SIRPA: variants seen among roughly 807,000 people sequenced by gnomAD.
SIRPA encodes signal regulatory protein alpha.
SIRPA carries 9 observed loss-of-function variants against 50.3 expected under a neutral mutation model. The observed-to-expected ratio is 0.18, with a 90% CI of 0.11 to 0.31. The LOEUF is 0.31. SIRPA is among the 10% of genes least tolerant of loss of function. SIRPA has a pLI of 1.00. For synonymous variants in SIRPA, 265 were observed against 284.1 expected (o/e 0.93, Z 0.68); for missense variants, 474 against 661.6 (o/e 0.72, Z 3.11).
chr20:1,915,558 C>T, intron 2 of SIRPA, 103 bp downstream of exon 2: 1 of 1,359,838 alleles, frequency 7.4e-7, no homozygotes, highest in African/African-American at 1.4e-5. Flanking sequence ...GTAGGTGCTC[C>T]TTTCCATGAA....
Position 1,937,653 on chromosome 20 carries a change from G to A in SIRPA, c.*85G>A. ...CGCCGTGATGAGCACAGCCAACCCA[G>A]TTCCCGGAGGGCTGGGGCGGTGCAG... On this transcript the variant is annotated 3_prime_UTR_variant, in exon 8 of 8. Coordinates refer to ENST00000358771, the MANE Select transcript of SIRPA (RefSeq NM_001040023.2). The surrounding 1 kb of genome is among the most constrained non-coding windows in gnomAD (Gnocchi z 8.3). 1.3e-6 allele frequency: 2 copies of A among 1,540,676 alleles called. No homozygotes were observed. The highest frequency in any genetic ancestry group is 1.8e-6 in the Non-Finnish European group (2 of 1,138,708).
chr20:1,933,541 A>G lies in SIRPA; in HGVS notation c.1227-1174A>G, dbSNP rs113635185. Among the ~76,000 whole-genome samples, 7,034 of 152,182 alleles carry G rather than the reference A, an allele frequency of 0.046. 207 individuals are homozygous for G. Among genetic ancestry groups the G allele is most frequent in the South Asian group, 0.088 (426 of 4,814 alleles). On this transcript the variant is annotated intron_variant, in intron 6 of 7. Transcript: ENST00000358771. The surrounding 1 kb of genome is among the most constrained non-coding windows in gnomAD (Gnocchi z 4.4). ...GGACTTGAACCAGCCAGCCAGTGGG[A>G]AGCTCCAGGAGGGCTGGAGGCCAGT...
At chr20:1,915,600 G>T in intron 2 of SIRPA, 145 bp downstream of exon 2, 1 of 1,030,022 alleles carries the variant, frequency 9.7e-7, no homozygotes, top group Non-Finnish European at 1.4e-6. Context: ...AATAAGGGAA[G>T]TTGAGGCCTG....
At chr20:1,895,181 T>C, upstream of SIRPA, 1 of 347,314 alleles carries the variant, frequency 2.9e-6, no homozygotes, top group South Asian at 6.8e-5. Context: ...CTGCCGCCTC[T>C]CTCTGGCCGC....
rs759203359 is a variant in SIRPA at position 1,928,407 on chromosome 20, G to A, written c.1226+508G>A. Among the ~76,000 whole-genome samples, 13 of 152,158 alleles carry A rather than the reference G, an allele frequency of 8.5e-5. No individual in the cohort carries two copies. The highest frequency in any genetic ancestry group is 3.3e-4 in the Admixed American group (5 of 15,272). The stretch of plus-strand genomic sequence containing the variant: ...CATTACATCACTGATGTACGTCACC[G>A]ATGGCACTTTAGTTTGTTGATTCAC... On this transcript the variant is annotated intron_variant, in intron 6 of 7. Coordinates refer to ENST00000358771, the MANE Select transcript of SIRPA (RefSeq NM_001040023.2). This position sits in a 1 kb window ranked among gnomAD's most constrained non-coding sequence, Gnocchi z 4.9.
Position 1,924,962 on chromosome 20 carries a change from G to A in SIRPA, c.1201+85G>A. The stretch of plus-strand genomic sequence containing the variant: ...ACGCCATTAGGTGCTTTGGGTTAAG[G>A]ACATCAGCTTCTGCCAGTAGCAAGA... On this transcript the variant is annotated intron_variant, in intron 5 of 7. Transcript: ENST00000358771. The surrounding 1 kb of genome is among the most constrained non-coding windows in gnomAD (Gnocchi z 4.5). The A allele has an allele frequency of 9.5e-7, 1 of 1,055,726 alleles. No homozygotes were observed. The highest frequency in any genetic ancestry group is 1.5e-6 in the Non-Finnish European group (1 of 688,540). The allele number at this position is 1,055,726 out of a possible 1,614,324, so 65.4% of individuals were successfully genotyped here. A position where few individuals can be genotyped will look rare whatever the true frequency, so the allele number is the denominator to read the frequency against.
At chr20:1,931,466 C>T (rs1254344787) in intron 6 of SIRPA, among the ~76,000 whole-genome samples, 1 of 152,186 alleles carries the variant, frequency 6.6e-6, no homozygotes, top group Non-Finnish European at 1.5e-5. Flanking sequence ...CCAGAGAAAC[C>T]AACCGTTTTC....
At position 1,937,361 on chromosome 20, in the gene SIRPA, G is replaced by A. The variant is rs1388528170; in HGVS notation, c.1308G>A (p.Lys436=). Residue 436 remains lysine, a synonymous_variant, in exon 8 of 8, where the codon AAG becomes AAA. Coordinates refer to ENST00000358771, the MANE Select transcript of SIRPA (RefSeq NM_001040023.2). The surrounding 1 kb of genome is among the most constrained non-coding windows in gnomAD (Gnocchi z 8.3). ...CATATGCAGACCTGAACCTGCCCAA[G>A]GGGAAGAAGCCTGCTCCCCAGGCTG... is the stretch of plus-strand genomic sequence containing the variant. ...DITYADLNLP[K]GKKPAPQAAE... The A allele has an allele frequency of 6.2e-7, 1 of 1,614,114 alleles. No individual in the cohort carries two copies. The highest frequency in any genetic ancestry group is 8.5e-7 in the Non-Finnish European group (1 of 1,180,006).
chr20:1,915,844 A>G (rs1985253032), intron 2 of SIRPA, among the ~76,000 whole-genome samples: 1 of 152,248 alleles, frequency 6.6e-6, no homozygotes, highest in African/African-American at 2.4e-5. Flanking sequence ...TCTATGTGAC[A>G]GGCACTCACT....
At position 1,933,982 on chromosome 20, in the gene SIRPA, G is replaced by A. The variant is rs1225228148; in HGVS notation, c.1227-733G>A. Among the ~76,000 whole-genome samples, 1 of 151,926 alleles carries A rather than the reference G, an allele frequency of 6.6e-6. No homozygotes were observed. Among genetic ancestry groups the A allele is most frequent in the Non-Finnish European group, 1.5e-5 (1 of 68,000 alleles). ...TAATACAGAACATTTGGAGAATATGGGAAACTAAAAAGGAGAAAAAAAATA... is the reference window on the plus strand; with the variant it reads ...TAATACAGAACATTTGGAGAATATGAGAAACTAAAAAGGAGAAAAAAAATA... On this transcript the variant is annotated intron_variant, in intron 6 of 7. Transcript: ENST00000358771. This position sits in a 1 kb window ranked among gnomAD's most constrained non-coding sequence, Gnocchi z 4.4.
At chr20:1,899,709 C>A (rs1337823411) in intron 1 of SIRPA, among the ~76,000 whole-genome samples, 1 of 152,154 alleles carries the variant, frequency 6.6e-6, no homozygotes, top group African/African-American at 2.4e-5. Flanking sequence ...AGACACACAC[C>A]CTGGCCTAGC....
intron 2 of SIRPA, among the ~76,000 whole-genome samples, chr20:1,915,656 G>A (rs1408581921): frequency 6.6e-6 from 1 of 152,232 alleles, no homozygotes; most frequent in African/African-American, 2.4e-5. Context: ...GGTAAAGGGT[G>A]GGAACATCTG....
rs1465827366 is a variant in SIRPA at position 1,928,727 on chromosome 20, ATGCTGGGCCAGAGAGGAGGCCTGTG to A, written c.1226+842_1226+866del. 2.0e-5 allele frequency among the ~76,000 whole-genome samples: 3 copies of A among 152,120 alleles called. No individual in the cohort carries two copies. The highest frequency in any genetic ancestry group is 1.3e-4 in the Admixed American group (2 of 15,276). ...CTAGTGAGCTATGTTGGACAGGAGC[ATGCTGGGCCAGAGAGGAGGCCTGTG>A]TGCTGGGCCAGAGGGAAGGAGAGGA... is the stretch of plus-strand genomic sequence containing the variant. On this transcript the variant is annotated intron_variant, in intron 6 of 7. Coordinates refer to ENST00000358771, the MANE Select transcript of SIRPA (RefSeq NM_001040023.2). The surrounding 1 kb of genome is among the most constrained non-coding windows in gnomAD (Gnocchi z 4.9).
At chr20:1,911,484 G>A (rs1001585913) in intron 1 of SIRPA, among the ~76,000 whole-genome samples, 3 of 152,128 alleles carry the variant, frequency 2.0e-5, no homozygotes, top group African/African-American at 4.8e-5. Context: ...TATGACCACC[G>A]TTTTCATGGT....
chr20:1,937,909 C>T lies in SIRPA; in HGVS notation c.*341C>T. 1 of 285,338 alleles carries T rather than the reference C, an allele frequency of 3.5e-6. No homozygotes were observed. Among genetic ancestry groups the T allele is most frequent in the East Asian group, 6.8e-5 (1 of 14,634 alleles). The allele number at this position is 285,338 out of a possible 1,614,324, so 17.7% of individuals were successfully genotyped here. A position where few individuals can be genotyped will look rare whatever the true frequency, so the allele number is the denominator to read the frequency against. ...GGGTTTTGAAGACCCTCGACTGCCT[C>T]CCCGATGCTCCGAAGCCTGATCTTC... On this transcript the variant is annotated 3_prime_UTR_variant, in exon 8 of 8. Transcript: ENST00000358771. The surrounding 1 kb of genome is among the most constrained non-coding windows in gnomAD (Gnocchi z 8.3).
In SIRPA at chr20:1,915,253, A is replaced by C; in HGVS notation, c.234A>C (p.Leu78Phe). ...GAGGAGCTGGACCAGGCCGGGAATTAATCTACAATCAAAAAGAAGGCCACT... is the reference window on the plus strand; with the variant it reads ...GAGGAGCTGGACCAGGCCGGGAATTCATCTACAATCAAAAAGAAGGCCACT... ...WFRGAGPGRE[L>F]IYNQKEGHFP... is the part of the protein sequence containing the mutation. Residue 78 changes from leucine to phenylalanine, a missense_variant, in exon 2 of 8, where the codon TTA becomes TTC. Physicochemically the swap from Leu to Phe is conservative, Grantham distance 22. Around this residue, in one of 4 missense-constraint regions of SIRPA, gnomAD observed 221 missense variants for 359.9 expected, o/e 0.61. Transcript: ENST00000358771. 2 of 1,612,784 alleles carry C rather than the reference A, an allele frequency of 1.2e-6. No homozygotes were observed. Among genetic ancestry groups the C allele is most frequent in the Non-Finnish European group, 1.7e-6 (2 of 1,179,586 alleles).
At chr20:1,906,719 G>A (rs151194304) in intron 1 of SIRPA, among the ~76,000 whole-genome samples, 15 of 152,266 alleles carry the variant, frequency 9.9e-5, no homozygotes, top group African/African-American at 3.6e-4. Context: ...GGTTTTAGAG[G>A]CTTCTCTGGC....
intron 1 of SIRPA, among the ~76,000 whole-genome samples, chr20:1,901,468 G>T (rs1364278940): frequency 6.6e-6 from 1 of 152,132 alleles, no homozygotes; most frequent in Non-Finnish European, 1.5e-5. Flanking sequence ...ACTGCACCCG[G>T]CCTCCTCTCG....
At chr20:1,915,599 A>T (rs1985231329) in intron 2 of SIRPA, 144 bp downstream of exon 2, 21 of 1,032,438 alleles carry the variant, frequency 2.0e-5, no homozygotes, top group Non-Finnish European at 2.9e-5. Context: ...AAATAAGGGA[A>T]GTTGAGGCCT....
Sources: allele counts gnomAD v4.1 joint callset (sites outside exome capture counted in the v4.1 genomes callset), GRCh38; gene constraint gnomAD v4.1.1; regional missense constraint gnomAD v4.1.1; non-coding constraint Gnocchi (gnomAD v3.1); transcripts MANE v1.5; gene names NCBI Gene and HGNC (gene_info 2026-07-23, HGNC 2026-07-21).